RUVBL1: variants seen among roughly 807,000 people sequenced by gnomAD.
The protein encoded by RUVBL1 is ruvB-like 1.
In RUVBL1, 4 loss-of-function variants were observed where a neutral mutation model predicts 52.4. The observed-to-expected ratio is 0.08, with a 90% CI of 0.04 to 0.17. The LOEUF is 0.17. Ranked by LOEUF, RUVBL1 falls within the 10% of genes least tolerant of loss-of-function variation. The pLI, the probability that RUVBL1 is intolerant of heterozygous loss-of-function variation, is 1.00. For synonymous variants in RUVBL1, 217 were observed against 214.4 expected, an observed-to-expected ratio of 1.01 and a Z score of -0.10; for missense variants, 298 against 572.8, an observed-to-expected ratio of 0.52 and a Z score of 4.90.
chr3:128,075,182 C>T (rs1277627194), intron 9 of RUVBL1: 1 of 152,228 alleles, frequency 6.6e-6, no homozygotes, highest in Non-Finnish European at 1.5e-5. Flanking sequence ...AACATACTGT[C>T]CTCAGATAGC....
At chr3:128,138,992 C>A (rs186150027) in intron 1 of RUVBL1, among the ~76,000 whole-genome samples, 1 of 151,920 alleles carries the variant, frequency 6.6e-6, no homozygotes, top group South Asian at 2.1e-4. Context: ...GATAGCCATA[C>A]GAGAGAAAAT....
upstream of RUVBL1, among the ~76,000 whole-genome samples, chr3:128,128,007 A>AATACATAC (rs57824701): frequency 1.8e-3 from 264 of 149,002 alleles, no homozygotes; most frequent in East Asian, 3.5e-3. Flanking sequence ...AAAAATAATA[A>AATACATAC]ATACATACAT....
At chr3:128,120,964 G>C (rs922678338) in intron 1 of RUVBL1, among the ~76,000 whole-genome samples, 1 of 147,852 alleles carries the variant, frequency 6.8e-6, no homozygotes, top group Admixed American at 6.7e-5. Context: ...CTGGGCGACA[G>C]AGCGAGACTC....
upstream of RUVBL1, among the ~76,000 whole-genome samples, chr3:128,126,129 C>T (rs1286617840): frequency 2.0e-5 from 3 of 152,026 alleles, no homozygotes; most frequent in Non-Finnish European, 4.4e-5. Flanking sequence ...GTGGCCAGTA[C>T]GGGTGGGGAC....
intron 2 of RUVBL1, among the ~76,000 whole-genome samples, chr3:128,118,046 G>A (rs559403230): frequency 3.3e-5 from 5 of 152,254 alleles, no homozygotes; most frequent in South Asian, 4.1e-4. Context: ...GAATGCAAAC[G>A]TGAGAGACTT....
chr3:128,089,951 A>C (rs1443224562), intron 8 of RUVBL1, among the ~76,000 whole-genome samples: 2 of 148,822 alleles, frequency 1.3e-5, no homozygotes, highest in African/African-American at 4.9e-5. Flanking sequence ...CACAGAAATA[A>C]ATGAGACGTT....
At chr3:128,078,558 T>C (rs1036337712), downstream of RUVBL1, among the ~76,000 whole-genome samples, 1 of 152,228 alleles carries the variant, frequency 6.6e-6, no homozygotes, top group Non-Finnish European at 1.5e-5. Context: ...CAAGAGAGCC[T>C]GCGCTGAGAG....
chr3:128,144,707 T>C (rs1317386075), intron 1 of RUVBL1, among the ~76,000 whole-genome samples: 1 of 152,232 alleles, frequency 6.6e-6, no homozygotes, highest in African/African-American at 2.4e-5. Flanking sequence ...CTGGAGCACC[T>C]GCCTGGTCTA....
chr3:128,069,638 C>T, intron 9 of RUVBL1: 3 of 1,614,076 alleles, frequency 1.9e-6, no homozygotes, highest in Non-Finnish European at 2.5e-6. Context: ...GCGAGGTTGG[C>T]AGCATGGGGG....
intron 1 of RUVBL1, among the ~76,000 whole-genome samples, chr3:128,150,690 T>C (rs1010482683): frequency 6.2e-5 from 8 of 128,778 alleles, no homozygotes; most frequent in East Asian, 2.1e-4. Flanking sequence ...ATATTCTATA[T>C]ATTATATATT....
At chr3:128,134,898 AAAAGGGT>A (rs1199048203) in intron 1 of RUVBL1, among the ~76,000 whole-genome samples, 1 of 152,208 alleles carries the variant, frequency 6.6e-6, no homozygotes, top group East Asian at 1.9e-4. Flanking sequence ...AAATAGCCTC[AAAAGGGT>A]AAATCTAAGA....
At chr3:128,080,095 T>C (rs1942428147), downstream of RUVBL1, among the ~76,000 whole-genome samples, 1 of 152,190 alleles carries the variant, frequency 6.6e-6, no homozygotes, top group African/African-American at 2.4e-5. Context: ...AGTGCTGCAC[T>C]TGCCCTTGCT....
intron 1 of RUVBL1, among the ~76,000 whole-genome samples, chr3:128,139,550 A>G (rs1296041642): frequency 3.3e-5 from 5 of 152,198 alleles, no homozygotes; most frequent in Non-Finnish European, 7.4e-5. Flanking sequence ...GCAATAAAAA[A>G]TGCTGGTGAC....
upstream of RUVBL1, among the ~76,000 whole-genome samples, chr3:128,126,910 G>T (rs1298643542): frequency 6.6e-6 from 1 of 152,202 alleles, no homozygotes; most frequent in East Asian, 1.9e-4. Flanking sequence ...TGGGCGAACT[G>T]ACCCCACACC....
intron 9 of RUVBL1, among the ~76,000 whole-genome samples, chr3:128,085,439 A>G (rs1317788832): frequency 1.4e-4 from 22 of 152,214 alleles, no homozygotes; most frequent in Admixed American, 1.4e-3. Context: ...CAGTTTTCCA[A>G]GAATTGCCTG....
At chr3:128,111,550 C>G (rs188067826) in intron 3 of RUVBL1, among the ~76,000 whole-genome samples, 72 of 152,292 alleles carry the variant, frequency 4.7e-4, no homozygotes, top group Non-Finnish European at 7.8e-4. Flanking sequence ...TCCACTGCCA[C>G]CACCCTGGTC....
intron 1 of RUVBL1, among the ~76,000 whole-genome samples, chr3:128,138,636 T>C (rs1480110533): frequency 1.3e-5 from 2 of 152,098 alleles, no homozygotes; most frequent in East Asian, 1.9e-4. Context: ...CAAAGCAATC[T>C]ACAGATTCAG....
downstream of RUVBL1, chr3:128,079,203 G>A (rs955869332): frequency 6.6e-6 from 1 of 152,378 alleles, no homozygotes; most frequent in Non-Finnish European, 1.5e-5. Flanking sequence ...TGGTCCTCTA[G>A]GTGGGTCACC....
chr3:128,120,732 G>A (rs1943624851), intron 1 of RUVBL1, among the ~76,000 whole-genome samples: 1 of 152,000 alleles, frequency 6.6e-6, no homozygotes, highest in African/African-American at 2.4e-5. Flanking sequence ...CACACTTATG[G>A]CAGCCCCTCA....
Sources: gnomAD v4.1 joint callset for allele counts (sites outside exome capture counted in the v4.1 genomes callset) on GRCh38, gnomAD v4.1.1 for gene constraint, MANE v1.5 for transcripts, NCBI Gene and HGNC (gene_info 2026-07-23, HGNC 2026-07-21) for gene names.